The following TXNDC9 variants were observed in gnomAD, a reference collection of about 807,000 sequenced individuals.
The protein encoded by TXNDC9 is thioredoxin domain containing 9, also known as thioredoxin domain-containing protein 9.
In TXNDC9, 7 loss-of-function variants were observed where a neutral mutation model predicts 23.0. The ratio of observed to expected loss-of-function variants is 0.30; its 90% CI spans 0.17 to 0.57. TXNDC9 has a LOEUF of 0.57. TXNDC9 is among the 20% of genes least tolerant of loss of function. The pLI is 0.90. For synonymous variants in TXNDC9, 72 were observed against 90.6 expected, an observed-to-expected ratio of 0.79 and a Z score of 1.17; for missense variants, 198 against 252.6, an observed-to-expected ratio of 0.78 and a Z score of 1.47.
downstream of TXNDC9, among the ~76,000 whole-genome samples, chr2:99,317,927 G>A (rs1206715891): frequency 2.6e-5 from 4 of 152,144 alleles, no homozygotes; most frequent in Non-Finnish European, 5.9e-5. Context: ...GTCTCACTCC[G>A]TCACCCAGGC....
intron 4 of TXNDC9, 41 bp from the exon 5 acceptor site, chr2:99,319,840 T>A: frequency 8.0e-7 from 1 of 1,251,102 alleles, no homozygotes; most frequent in Non-Finnish European, 1.1e-6. Flanking sequence ...TATGATTTAG[T>A]ACTAGTATAC....
At position 99,319,905 on chromosome 2, in the gene TXNDC9, C is replaced by T. The variant is rs889698643; in HGVS notation, c.564-106G>A. 4.3e-6 allele frequency: 3 copies of T among 702,208 alleles called. No homozygotes were observed. In the African/African-American group the frequency reaches 5.5e-5, roughly 13 times the overall value. The allele number at this position is 702,208 out of a possible 1,614,324, so 43.5% of individuals were successfully genotyped here. ...CTTCCTGTAACATAGAATAAAATTT[C>T]TTTAAAATGCTGGTGTCAGGGAAGA... On this transcript the variant is annotated intron_variant, in intron 4 of 4. Transcript: ENST00000264255.
chr2:99,317,986 G>T (rs145775088), downstream of TXNDC9, among the ~76,000 whole-genome samples: 3 of 152,274 alleles, frequency 2.0e-5, no homozygotes, highest in East Asian at 5.8e-4. Flanking sequence ...TGCCTCTCGC[G>T]TTCAAGCGAT....
chr2:99,331,580 G>T (rs2105325921), intron 2 of TXNDC9, among the ~76,000 whole-genome samples: 1 of 151,696 alleles, frequency 6.6e-6, no homozygotes, highest in South Asian at 2.1e-4. Context: ...TAGGGTACAG[G>T]TAAAAGCCAT....
intron 2 of TXNDC9, among the ~76,000 whole-genome samples, chr2:99,330,343 A>T (rs2094221980): frequency 7.8e-6 from 1 of 128,696 alleles, no homozygotes; most frequent in South Asian, 2.7e-4. Context: ...TTCATTATTT[A>T]TTCTCAGGTA....
chr2:99,324,363 T>C (rs2094208937), intron 3 of TXNDC9, among the ~76,000 whole-genome samples: 1 of 152,232 alleles, frequency 6.6e-6, no homozygotes, highest in Non-Finnish European at 1.5e-5. Flanking sequence ...ATGTGTAACC[T>C]TGGTGCCTCA....
chr2:99,322,592 T>G (rs1217659836), intron 3 of TXNDC9: 1 of 1,537,174 alleles, frequency 6.5e-7, no homozygotes, highest in Admixed American at 2.1e-5. Context: ...GGTGCCATAT[T>G]TGGAAGTCAT....
chr2:99,326,663 A>G lies in TXNDC9; in HGVS notation c.308+872T>C, dbSNP rs192628814. On this transcript the variant is annotated intron_variant, in intron 3 of 4. Transcript: ENST00000264255. ...AGGAGGTATTAACATTTTATAAGAG[A>G]TCTGCTTCCTTAGAGAAATTTGGAG... 4.6e-5 allele frequency among the ~76,000 whole-genome samples: 7 copies of G among 152,312 alleles called. No individual in the cohort carries two copies. In the East Asian group the frequency reaches 1.3e-3, roughly 29 times the overall value.
chr2:99,316,071 G>A (rs990812630), downstream of TXNDC9, among the ~76,000 whole-genome samples: 2 of 149,618 alleles, frequency 1.3e-5, no homozygotes, highest in Non-Finnish European at 3.0e-5. Flanking sequence ...TTAAGACTTA[G>A]TATCAAGTCC....
At chr2:99,330,454 AT>A (rs1408402100) in intron 2 of TXNDC9, among the ~76,000 whole-genome samples, 1 of 151,948 alleles carries the variant, frequency 6.6e-6, no homozygotes, top group African/African-American at 2.4e-5. Context: ...CTCCTGACAC[AT>A]TCACTACACC....
At chr2:99,328,025 C>T (rs924373143) in intron 2 of TXNDC9, among the ~76,000 whole-genome samples, 2 of 151,906 alleles carry the variant, frequency 1.3e-5, no homozygotes, top group Admixed American at 6.6e-5. Context: ...CCTTGTGATC[C>T]GCCTGCCTCG....
At chr2:99,330,481 T>C (rs962147704) in intron 2 of TXNDC9, among the ~76,000 whole-genome samples, 1 of 151,996 alleles carries the variant, frequency 6.6e-6, no homozygotes, top group African/African-American at 2.4e-5. Context: ...GCTCTTAGCA[T>C]AGCCCCTTTT....
intron 3 of TXNDC9, among the ~76,000 whole-genome samples, chr2:99,324,657 T>C (rs2094209495): frequency 6.6e-6 from 1 of 152,146 alleles, no homozygotes; most frequent in Non-Finnish European, 1.5e-5. Context: ...CACTGCAACC[T>C]CCACCTCCTG....
chr2:99,316,662 G>A (rs1314513760), downstream of TXNDC9, among the ~76,000 whole-genome samples: 3 of 152,030 alleles, frequency 2.0e-5, no homozygotes, highest in East Asian at 5.8e-4. Flanking sequence ...TTTCTACTGT[G>A]AACACAATCT....
At chr2:99,333,472 T>G (rs539225888) in intron 1 of TXNDC9, among the ~76,000 whole-genome samples, 21 of 152,306 alleles carry the variant, frequency 1.4e-4, no homozygotes, top group African/African-American at 4.8e-4. Flanking sequence ...TTTAGGGTGC[T>G]TCTGATTTAG....
At chr2:99,314,529 C>CTTTTTTTTTTTTTTT (rs55729391), downstream of TXNDC9, among the ~76,000 whole-genome samples, 2 of 97,446 alleles carry the variant, frequency 2.1e-5, no homozygotes, top group Admixed American at 1.6e-4. Flanking sequence ...AATACTACAC[C>CTTTTTTTTTTTTTTT]TTTTTTTTTT....
downstream of TXNDC9, among the ~76,000 whole-genome samples, chr2:99,316,648 ATTCT>A (rs2094189613): frequency 1.3e-5 from 2 of 152,120 alleles, no homozygotes; most frequent in South Asian, 4.1e-4. Flanking sequence ...TAATTTGCTG[ATTCT>A]TTCTACTGTG....
downstream of TXNDC9, among the ~76,000 whole-genome samples, chr2:99,315,597 G>A (rs1269267171): frequency 1.3e-5 from 2 of 152,106 alleles, no homozygotes; most frequent in Non-Finnish European, 2.9e-5. Context: ...ACCCAAAGTC[G>A]TGAAGATTTA....
Position 99,327,542 on chromosome 2 carries a change from T to C in TXNDC9, c.301A>G (p.Thr101Ala). Reference protein sequence around the residue: ...NVVCHFYRDSTFRCKILDRHL... With the variant: ...NVVCHFYRDSAFRCKILDRHL... Reference sequence around the variant, plus strand: ...AGATGGAAACAAAGTTACCTGAATGTGGAGTCTCTGTAGAAATGGCAAACC... The same window carrying C: ...AGATGGAAACAAAGTTACCTGAATGCGGAGTCTCTGTAGAAATGGCAAACC... Residue 101 changes from threonine (T) to alanine (A), a missense_variant, in exon 3 of 5, where the codon ACA becomes GCA. Transcript: ENST00000264255. The C allele has an allele frequency of 6.2e-7, 1 of 1,607,898 alleles. No individual in the cohort carries two copies. Among genetic ancestry groups the C allele is most frequent in the Non-Finnish European group, 8.5e-7 (1 of 1,175,410 alleles).
Sources: allele counts gnomAD v4.1 joint callset (sites outside exome capture counted in the v4.1 genomes callset), GRCh38; gene constraint gnomAD v4.1.1; transcripts MANE v1.5; gene names NCBI Gene and HGNC (gene_info 2026-07-23, HGNC 2026-07-21).